ESR1: variants seen among roughly 807,000 people sequenced by gnomAD.
ESR1 encodes estrogen receptor 1.
In ESR1, 12 loss-of-function variants were observed where a neutral mutation model predicts 52.7. The ratio of observed to expected loss-of-function variants is 0.23; its 90% CI spans 0.15 to 0.37. The LOEUF is 0.37. ESR1 is among the 10% of genes least tolerant of loss of function. ESR1 has a pLI of 1.00. For missense variants in ESR1, 584 were observed against 779.7 expected, an observed-to-expected ratio of 0.75 and a Z score of 2.99; for synonymous variants, 305 against 316.8, an observed-to-expected ratio of 0.96 and a Z score of 0.39.
intron 2 of ESR1, among the ~76,000 whole-genome samples, chr6:151,794,268 C>T (rs17755779): frequency 0.011 from 1,694 of 152,126 alleles, 19 homozygotes; most frequent in Middle Eastern, 0.044. Context: ...AAATGGGTTT[C>T]CATAATCTTC....
chr6:151,985,540 C>CAAAAAAAAA (rs556588370), intron 4 of ESR1, among the ~76,000 whole-genome samples: 3 of 81,110 alleles, frequency 3.7e-5, no homozygotes, highest in African/African-American at 1.0e-4. Flanking sequence ...AAAACACAAA[C>CAAAAAAAAA]AAAAAAAAAA....
chr6:152,073,159 G>A (rs964733990), intron 6 of ESR1, among the ~76,000 whole-genome samples: 66 of 151,992 alleles, frequency 4.3e-4, no homozygotes, highest in African/African-American at 1.5e-3. Flanking sequence ...GAAGAGTTTC[G>A]GAAATGTGAG....
chr6:151,948,529 G>T (rs1441126830), intron 4 of ESR1, among the ~76,000 whole-genome samples: 2 of 152,094 alleles, frequency 1.3e-5, no homozygotes, highest in Admixed American at 1.3e-4. Flanking sequence ...GTGGCAGCTT[G>T]GCTTCCTGTG....
intron 4 of ESR1, among the ~76,000 whole-genome samples, chr6:151,952,729 T>C (rs2036458977): frequency 6.6e-6 from 1 of 152,232 alleles, no homozygotes; most frequent in Non-Finnish European, 1.5e-5. Context: ...TATATTATGG[T>C]TGAATTTCCT....
intron 6 of ESR1, among the ~76,000 whole-genome samples, chr6:152,084,948 A>G (rs887885376): frequency 1.3e-5 from 2 of 152,206 alleles, no homozygotes; most frequent in Non-Finnish European, 2.9e-5. Context: ...ACTTCACACT[A>G]TAGCTGATAG....
At chr6:152,027,282 T>C (rs1241831062) in intron 5 of ESR1, among the ~76,000 whole-genome samples, 2 of 152,110 alleles carry the variant, frequency 1.3e-5, no homozygotes, top group South Asian at 2.1e-4. Flanking sequence ...TTATTTTTAT[T>C]ACTTATATTT....
At chr6:151,881,768 A>G (rs2128336800) in intron 3 of ESR1, among the ~76,000 whole-genome samples, 1 of 152,188 alleles carries the variant, frequency 6.6e-6, no homozygotes, top group South Asian at 2.1e-4. Flanking sequence ...CAGTAGGCCC[A>G]GCTACTTGGG....
upstream of ESR1, among the ~76,000 whole-genome samples, chr6:151,806,530 G>GTATATATATATATATATATATATA (rs56020486): frequency 8.6e-4 from 83 of 96,394 alleles, 2 homozygotes; most frequent in Non-Finnish European, 1.2e-3. Context: ...TCCTTAATAT[G>GTATATATATATATATATATATATA]TATATATATA....
intron 2 of ESR1, among the ~76,000 whole-genome samples, chr6:151,858,643 A>AT (rs1319754678): frequency 3.3e-4 from 45 of 138,282 alleles, no homozygotes; most frequent in East Asian, 1.5e-3. Flanking sequence ...CCATTGCTTC[A>AT]TTTTTTTTTC....
intron 3 of ESR1, among the ~76,000 whole-genome samples, chr6:151,935,316 G>C (rs531060831): frequency 1.3e-5 from 2 of 152,220 alleles, no homozygotes; most frequent in Non-Finnish European, 2.9e-5. Flanking sequence ...CAGATTTAAC[G>C]TGAAGGATGA....
intron 3 of ESR1, among the ~76,000 whole-genome samples, chr6:151,883,951 G>A (rs575427466): frequency 6.1e-4 from 93 of 152,140 alleles, no homozygotes; most frequent in African/African-American, 2.1e-3. Flanking sequence ...CTCACTTAAG[G>A]TACAATTTCC....
At chr6:151,680,863 G>A (rs1384455446) in intron 1 of ESR1, among the ~76,000 whole-genome samples, 1 of 152,132 alleles carries the variant, frequency 6.6e-6, no homozygotes, top group African/African-American at 2.4e-5. Context: ...AAAATGAACC[G>A]GTCTCCTCCT....
At chr6:152,008,264 C>G (rs2042493000) in intron 4 of ESR1, among the ~76,000 whole-genome samples, 3 of 152,130 alleles carry the variant, frequency 2.0e-5, no homozygotes, top group Non-Finnish European at 4.4e-5. Context: ...CAGGAACTTG[C>G]AGAGCACACT....
chr6:151,990,324 C>T (rs2040887728), intron 4 of ESR1, among the ~76,000 whole-genome samples: 1 of 151,844 alleles, frequency 6.6e-6, no homozygotes, highest in South Asian at 2.1e-4. Flanking sequence ...GTGTTAGCTA[C>T]CCTACCAAAT....
At chr6:151,733,756 G>C (rs1170052850) in intron 2 of ESR1, among the ~76,000 whole-genome samples, 1 of 152,142 alleles carries the variant, frequency 6.6e-6, no homozygotes, top group East Asian at 1.9e-4. Context: ...AAACAATGAT[G>C]TGAAGAATTT....
chr6:151,997,426 C>G (rs1204527663), intron 4 of ESR1, among the ~76,000 whole-genome samples: 2 of 152,084 alleles, frequency 1.3e-5, no homozygotes, highest in African/African-American at 2.4e-5. Context: ...GCTTTTTACA[C>G]TCTGATAAAG....
chr6:152,093,031 C>G (rs546610728), intron 6 of ESR1, among the ~76,000 whole-genome samples: 2 of 152,294 alleles, frequency 1.3e-5, no homozygotes, highest in South Asian at 4.1e-4. Flanking sequence ...ATCATCCCAG[C>G]ATTTTGGGAG....
At chr6:151,919,067 A>G (rs574551928) in intron 3 of ESR1, among the ~76,000 whole-genome samples, 89 of 152,324 alleles carry the variant, frequency 5.8e-4, no homozygotes, top group African/African-American at 2.1e-3. Flanking sequence ...TGTCATTAAT[A>G]TTAATGTGTC....
intron 2 of ESR1, among the ~76,000 whole-genome samples, chr6:151,708,147 A>C (rs1230173071): frequency 6.6e-6 from 1 of 152,050 alleles, no homozygotes; most frequent in African/African-American, 2.4e-5. Context: ...CTTTATCATA[A>C]ATTGTGGGAT....
Sources: allele counts gnomAD v4.1 joint callset (sites outside exome capture counted in the v4.1 genomes callset), GRCh38; gene constraint gnomAD v4.1.1; transcripts MANE v1.5; gene names NCBI Gene and HGNC (gene_info 2026-07-23, HGNC 2026-07-21).